The following SLC30A9 variants were observed in gnomAD, a reference collection of about 807,000 sequenced individuals.
SLC30A9 encodes proton-coupled zinc antiporter SLC30A9, mitochondrial.
SLC30A9 carries 58 observed loss-of-function variants against 87.5 expected under a neutral mutation model. That is an observed-to-expected ratio of 0.66 (90% CI 0.54 to 0.82). The LOEUF (loss-of-function observed/expected upper bound fraction) is 0.82, where lower values mean the gene tolerates loss of function less well. Among genes scored for constraint, SLC30A9 ranks in the 40% least tolerant of loss-of-function variants. The probability of loss-of-function intolerance (pLI) is 0.00; values close to 1 mark genes in which losing one functional copy is unlikely to be tolerated. For missense variants in SLC30A9, 557 were observed against 679.1 expected, an observed-to-expected ratio of 0.82 and a Z score of 2.00; for synonymous variants, 234 against 233.0, an observed-to-expected ratio of 1.00 and a Z score of -0.04.
At chr4:41,996,088 T>G (rs1202172867) in intron 1 of SLC30A9, among the ~76,000 whole-genome samples, 1 of 151,780 alleles carries the variant, frequency 6.6e-6, no homozygotes, top group East Asian at 1.9e-4. Flanking sequence ...TAAATTTGAG[T>G]TTTTTTATTT....
chr4:42,034,250 TC>T (rs1175452237), intron 6 of SLC30A9, among the ~76,000 whole-genome samples: 1 of 152,182 alleles, frequency 6.6e-6, no homozygotes, highest in East Asian at 1.9e-4. Context: ...ATCCAGATTT[TC>T]CTGCCTCCTT....
chr4:42,029,598 T>C (rs1164126985), intron 6 of SLC30A9: 1 of 704,304 alleles, frequency 1.4e-6, no homozygotes. Context: ...ATTGTGACAA[T>C]GTGCCCAGTG....
At chr4:42,081,735 C>T (rs1446329013) in intron 17 of SLC30A9, among the ~76,000 whole-genome samples, 1 of 152,106 alleles carries the variant, frequency 6.6e-6, no homozygotes, top group Non-Finnish European at 1.5e-5. Context: ...GAATAATCAC[C>T]AAATTGGTCC....
chr4:42,021,652 T>G (rs1432539499), intron 4 of SLC30A9, among the ~76,000 whole-genome samples: 1 of 152,208 alleles, frequency 6.6e-6, no homozygotes, highest in Admixed American at 6.5e-5. Context: ...CACTTAGTAT[T>G]AATCTACATA....
chr4:42,021,273 G>A (rs945440519), intron 4 of SLC30A9, among the ~76,000 whole-genome samples: 3 of 152,150 alleles, frequency 2.0e-5, no homozygotes, highest in African/African-American at 7.2e-5. Flanking sequence ...ACCAGGATGA[G>A]CATAATACAA....
chr4:42,036,362 A>G (rs974839084), intron 7 of SLC30A9, among the ~76,000 whole-genome samples: 1 of 152,190 alleles, frequency 6.6e-6, no homozygotes, highest in African/African-American at 2.4e-5. Flanking sequence ...CTAGAAGGAA[A>G]TTAATATTGG....
chr4:42,079,029 A>C lies in SLC30A9; in HGVS notation c.1662+704A>C, dbSNP rs188889162. 2.3e-3 allele frequency among the ~76,000 whole-genome samples: 344 copies of C among 152,290 alleles called. 1 individual carries two copies. Among genetic ancestry groups the C allele is most frequent in the Admixed American group, 3.9e-3 (59 of 15,302 alleles). On this transcript the variant is annotated intron_variant, in intron 17 of 17. Coordinates refer to ENST00000264451, the MANE Select transcript of SLC30A9 (RefSeq NM_006345.4). The stretch of plus-strand genomic sequence containing the variant: ...TTCAAGTTTTCCTTTGAGAATCTGG[A>C]TATCCGATTAGATTAATACAAGTAC...
At chr4:42,023,903 C>T (rs2153135735) in intron 6 of SLC30A9, among the ~76,000 whole-genome samples, 1 of 152,232 alleles carries the variant, frequency 6.6e-6, no homozygotes, top group Non-Finnish European at 1.5e-5. Context: ...AACTGTCAAA[C>T]ACTTATAAAA....
intron 6 of SLC30A9, among the ~76,000 whole-genome samples, chr4:42,024,390 A>G (rs1237695472): frequency 6.6e-6 from 1 of 152,256 alleles, no homozygotes; most frequent in Admixed American, 6.5e-5. Context: ...GTATAATCAT[A>G]ACCGTTTTCC....
At chr4:42,041,877 C>T (rs1164653694) in intron 8 of SLC30A9, among the ~76,000 whole-genome samples, 6 of 152,142 alleles carry the variant, frequency 3.9e-5, no homozygotes, top group Non-Finnish European at 7.4e-5. Context: ...CTCATTGGGA[C>T]TGGTCAGACA....
intron 10 of SLC30A9, among the ~76,000 whole-genome samples, chr4:42,061,430 C>T (rs1336361120): frequency 1.3e-5 from 2 of 152,026 alleles, no homozygotes; most frequent in Non-Finnish European, 2.9e-5. Flanking sequence ...GAAGTAATAC[C>T]ATTTATTTTA....
At chr4:41,999,907 C>T (rs1714904583) in intron 1 of SLC30A9, among the ~76,000 whole-genome samples, 1 of 151,860 alleles carries the variant, frequency 6.6e-6, no homozygotes, top group South Asian at 2.1e-4. Flanking sequence ...CTTATAAATA[C>T]ATACTGAAAT....
chr4:42,050,139 GT>G (rs1717328095), intron 9 of SLC30A9, among the ~76,000 whole-genome samples: 1 of 152,060 alleles, frequency 6.6e-6, no homozygotes, highest in South Asian at 2.1e-4. Context: ...TAAAAATAAC[GT>G]GAAGATAAGG....
At chr4:42,043,111 A>C (rs1716991840) in intron 8 of SLC30A9, among the ~76,000 whole-genome samples, 2 of 152,214 alleles carry the variant, frequency 1.3e-5, no homozygotes, top group Admixed American at 1.3e-4. Context: ...TAAATCCATG[A>C]AGATGAGGAA....
Position 42,020,528 on chromosome 4 carries a change from A to G in SLC30A9, c.434+13A>G. 7.0e-7 allele frequency: 1 copy of G among 1,420,806 alleles called. No individual in the cohort carries two copies. Among genetic ancestry groups the G allele is most frequent in the Non-Finnish European group, 9.9e-7 (1 of 1,011,334 alleles). The allele number at this position is 1,420,806 out of a possible 1,614,324, so 88.0% of individuals were successfully genotyped here. A position where few individuals can be genotyped will look rare whatever the true frequency, so the allele number is the denominator to read the frequency against. On this transcript the variant is annotated intron_variant, in intron 4 of 17. Coordinates refer to ENST00000264451, the MANE Select transcript of SLC30A9 (RefSeq NM_006345.4). Reference sequence around the variant, plus strand: ...GCCTCAAATCCAGGTAATTTTTTTAAAAAATGTAGCCGTGTGTCATATCTA... The same window carrying G: ...GCCTCAAATCCAGGTAATTTTTTTAGAAAATGTAGCCGTGTGTCATATCTA...
intron 6 of SLC30A9, among the ~76,000 whole-genome samples, chr4:42,028,773 T>G (rs1172975564): frequency 6.6e-6 from 1 of 152,238 alleles, no homozygotes; most frequent in East Asian, 1.9e-4. Flanking sequence ...GGTTTAGCAG[T>G]TTTACTGCCA....
At chr4:42,003,830 ACT>A (rs1715083730) in intron 2 of SLC30A9, among the ~76,000 whole-genome samples, 3 of 151,238 alleles carry the variant, frequency 2.0e-5, no homozygotes, top group Admixed American at 6.6e-5. Flanking sequence ...AAAGTTTTAG[ACT>A]CTGTGTCTGT....
chr4:42,002,430 C>G (rs1186505704), intron 2 of SLC30A9, among the ~76,000 whole-genome samples: 1 of 151,934 alleles, frequency 6.6e-6, no homozygotes, highest in African/African-American at 2.4e-5. Context: ...CTCTCTCTCT[C>G]TCCCTCATCT....
At chr4:41,992,037 A>G (rs1445352583) in intron 1 of SLC30A9, among the ~76,000 whole-genome samples, 3 of 152,092 alleles carry the variant, frequency 2.0e-5, no homozygotes, top group Non-Finnish European at 4.4e-5. Flanking sequence ...TCCCTTATGG[A>G]CAGAATGAAT....
Sources: gnomAD v4.1 joint callset for allele counts (sites outside exome capture counted in the v4.1 genomes callset) on GRCh38, gnomAD v4.1.1 for gene constraint, MANE v1.5 for transcripts, NCBI Gene and HGNC (gene_info 2026-07-23, HGNC 2026-07-21) for gene names.